Variants in EYA4 observed in about 807,000 individuals in gnomAD.
EYA4 encodes the protein protein phosphatase EYA4.
EYA4 carries 31 observed loss-of-function variants against 87.9 expected under a neutral mutation model. That is an observed-to-expected ratio of 0.35 (90% CI 0.27 to 0.48). EYA4 has a LOEUF of 0.48. EYA4 is among the 20% of genes least tolerant of loss of function. The pLI, the probability that EYA4 is intolerant of heterozygous loss-of-function variation, is 0.99. For missense variants in EYA4, 678 were observed against 761.4 expected, an observed-to-expected ratio of 0.89 and a Z score of 1.29; for synonymous variants, 263 against 270.6, an observed-to-expected ratio of 0.97 and a Z score of 0.28.
chr6:133,374,642 A>G (rs1414082930), intron 2 of EYA4, among the ~76,000 whole-genome samples: 1 of 151,994 alleles, frequency 6.6e-6, no homozygotes, highest in Non-Finnish European at 1.5e-5. Context: ...GAGTCCTCTC[A>G]CTTTCATAGT....
intron 2 of EYA4, among the ~76,000 whole-genome samples, chr6:133,302,935 A>T (rs566113835): frequency 1.5e-3 from 232 of 152,316 alleles, no homozygotes; most frequent in African/African-American, 5.4e-3. Flanking sequence ...TAAATATTTC[A>T]GGCTTCACGG....
chr6:133,288,506 A>G (rs1315543665), intron 2 of EYA4, among the ~76,000 whole-genome samples: 2 of 152,130 alleles, frequency 1.3e-5, no homozygotes, highest in Non-Finnish European at 2.9e-5. Flanking sequence ...TCAATGACTT[A>G]AGGAAAGAGA....
At chr6:133,438,071 A>G (rs1791876766) in intron 3 of EYA4, among the ~76,000 whole-genome samples, 1 of 152,192 alleles carries the variant, frequency 6.6e-6, no homozygotes, top group South Asian at 2.1e-4. Context: ...AAGAAAATGA[A>G]GTGTCACAAT....
intron 6 of EYA4, among the ~76,000 whole-genome samples, chr6:133,460,104 C>T (rs1421640677): frequency 2.6e-5 from 4 of 152,036 alleles, no homozygotes; most frequent in South Asian, 2.1e-4. Context: ...CTAAAAGTTT[C>T]GCTCCAGAAT....
intron 4 of EYA4, among the ~76,000 whole-genome samples, chr6:133,447,251 A>G (rs1225154534): frequency 1.3e-5 from 2 of 152,232 alleles, no homozygotes; most frequent in Admixed American, 6.5e-5. Context: ...TTCAAAGAGA[A>G]TAACACTTAA....
At chr6:133,512,673 A>G (rs1350305374) in intron 14 of EYA4, 48 bp from the exon 15 acceptor site, 1 of 1,427,556 alleles carries the variant, frequency 7.0e-7, no homozygotes, top group Non-Finnish European at 9.9e-7. Context: ...CAAGCATGGT[A>G]ACAAGCATCA....
intron 3 of EYA4, among the ~76,000 whole-genome samples, chr6:133,423,189 CAG>C (rs1790370761): frequency 1.3e-5 from 2 of 152,056 alleles, no homozygotes; most frequent in South Asian, 2.1e-4. Context: ...AGAGAGGGAA[CAG>C]GGAAAAATCT....
chr6:133,490,421 C>T (rs774525678), intron 13 of EYA4, among the ~76,000 whole-genome samples: 1 of 150,176 alleles, frequency 6.7e-6, no homozygotes, highest in Non-Finnish European at 1.5e-5. Flanking sequence ...CGTGACCCAG[C>T]GATCTCTTGC....
chr6:133,274,873 C>T (rs375532786), intron 2 of EYA4, 60 bp downstream of exon 2: 159 of 1,215,366 alleles, frequency 1.3e-4, no homozygotes, highest in Non-Finnish European at 1.8e-4. Context: ...GAAAATCATA[C>T]GTAAAAGAGA....
intron 2 of EYA4, among the ~76,000 whole-genome samples, chr6:133,282,598 A>G (rs73007696): frequency 1.3e-5 from 2 of 151,180 alleles, no homozygotes; most frequent in Non-Finnish European, 3.0e-5. Flanking sequence ...GTATATATAT[A>G]TATGTATATA....
chr6:133,259,832 A>G (rs1175833861), intron 1 of EYA4, among the ~76,000 whole-genome samples: 1 of 152,196 alleles, frequency 6.6e-6, no homozygotes, highest in African/African-American at 2.4e-5. Flanking sequence ...CTGAGAAATT[A>G]ATGTTATAGA....
chr6:133,483,794 G>GCTCA (rs1224330285), intron 13 of EYA4, among the ~76,000 whole-genome samples: 2 of 150,710 alleles, frequency 1.3e-5, no homozygotes, highest in African/African-American at 4.9e-5. Context: ...CATGATCTTG[G>GCTCA]CTCACTGCAA....
chr6:133,412,009 A>G (rs1478345591), intron 3 of EYA4, among the ~76,000 whole-genome samples: 2 of 152,232 alleles, frequency 1.3e-5, no homozygotes, highest in African/African-American at 4.8e-5. Flanking sequence ...ATTGTAAACT[A>G]TAATTGTTGC....
At chr6:133,476,276 C>T (rs1487847122) in intron 11 of EYA4, among the ~76,000 whole-genome samples, 1 of 152,042 alleles carries the variant, frequency 6.6e-6, no homozygotes, top group Non-Finnish European at 1.5e-5. Context: ...AAAATCTATT[C>T]TCTTAGCAAT....
intron 2 of EYA4, among the ~76,000 whole-genome samples, chr6:133,367,713 G>A (rs770605200): frequency 6.6e-6 from 1 of 152,122 alleles, no homozygotes; most frequent in Non-Finnish European, 1.5e-5. Context: ...TTTACCCATA[G>A]TAAGGCTGTA....
At chr6:133,524,182 G>C (rs912751938) in intron 18 of EYA4, among the ~76,000 whole-genome samples, 14 of 152,258 alleles carry the variant, frequency 9.2e-5, no homozygotes, top group African/African-American at 3.1e-4. Context: ...CTAATAGAAA[G>C]AAGGTAATTT....
At chr6:133,312,025 G>C (rs1012709828) in intron 2 of EYA4, among the ~76,000 whole-genome samples, 3 of 152,142 alleles carry the variant, frequency 2.0e-5, no homozygotes, top group African/African-American at 7.2e-5. Context: ...TATGAAAGCA[G>C]GTAACAGTGA....
At chr6:133,288,020 T>C (rs534273891) in intron 2 of EYA4, among the ~76,000 whole-genome samples, 50 of 152,148 alleles carry the variant, frequency 3.3e-4, no homozygotes, top group African/African-American at 1.2e-3. Context: ...TCCCAGCTAC[T>C]CGGGAGGCTG....
intron 3 of EYA4, among the ~76,000 whole-genome samples, chr6:133,385,368 C>G (rs1379278858): frequency 3.5e-5 from 5 of 142,682 alleles, no homozygotes; most frequent in African/African-American, 5.3e-5. Context: ...TCTCTCTCCT[C>G]TGTGTGTGTA....
Sources: allele counts gnomAD v4.1 joint callset (sites outside exome capture counted in the v4.1 genomes callset), GRCh38; gene constraint gnomAD v4.1.1; transcripts MANE v1.5; gene names NCBI Gene and HGNC (gene_info 2026-07-23, HGNC 2026-07-21).